RIMBP2: variants seen among roughly 807,000 people sequenced by gnomAD.
The protein encoded by RIMBP2 is RIMS-binding protein 2.
In RIMBP2, 48 loss-of-function variants were observed where a neutral mutation model predicts 118.6. The observed-to-expected ratio is 0.40, with a 90% CI of 0.32 to 0.51. The LOEUF (loss-of-function observed/expected upper bound fraction) is 0.51. Among genes scored for constraint, RIMBP2 ranks in the 20% least tolerant of loss-of-function variants. The pLI is 0.41. For synonymous variants in RIMBP2, 762 were observed against 742.9 expected (o/e 1.03, Z -0.42); for missense variants, 1,551 against 1,768.3 (o/e 0.88, Z 2.20).
At chr12:130,704,360 G>C (rs1273410608) in intron 1 of RIMBP2, among the ~76,000 whole-genome samples, 1 of 152,212 alleles carries the variant, frequency 6.6e-6, no homozygotes, top group Non-Finnish European at 1.5e-5. Flanking sequence ...TGGATCACCT[G>C]AGGTCAGGAG....
At chr12:130,526,903 A>C (rs1022944224) in intron 2 of RIMBP2, among the ~76,000 whole-genome samples, 5 of 152,150 alleles carry the variant, frequency 3.3e-5, no homozygotes, top group Admixed American at 6.5e-5. Context: ...GGGAGAGTAA[A>C]GTGAAGGAAG....
intron 2 of RIMBP2, among the ~76,000 whole-genome samples, chr12:130,521,560 C>T (rs997955635): frequency 2.0e-5 from 3 of 152,356 alleles, no homozygotes; most frequent in African/African-American, 7.2e-5. Flanking sequence ...GTAACTGACA[C>T]ACTTGCTGGG....
rs867726269 is a variant in RIMBP2, at chr12:130,535,748, T to C, written c.-216-17831A>G. The stretch of plus-strand genomic sequence containing the variant: ...ATATACATATATATACATATATATA[T>C]ATATATATATATATATATATATATA... On this transcript the variant is annotated intron_variant, in intron 2 of 22. Transcript: ENST00000690449. Among the ~76,000 whole-genome samples the C allele has an allele frequency of 3.0e-3, 95 of 31,774 alleles. 1 individual carries two copies. The highest frequency in any genetic ancestry group is 6.1e-3 in the African/African-American group (77 of 12,556). The allele number at this position is 31,774 out of a possible 152,430, so 20.8% of individuals were successfully genotyped here.
chr12:130,605,922 G>T (rs1160251876), intron 2 of RIMBP2, among the ~76,000 whole-genome samples: 3 of 152,086 alleles, frequency 2.0e-5, no homozygotes, highest in Non-Finnish European at 2.9e-5. Flanking sequence ...AAAAAAATTA[G>T]CCAGGCATGG....
rs563955080 is a variant in RIMBP2, at chr12:130,511,176, T to C, written c.-126-4406A>G. Among the ~76,000 whole-genome samples the C allele has an allele frequency of 7.9e-5, 12 of 151,910 alleles. No homozygotes were observed. The highest frequency in any genetic ancestry group is 2.9e-4 in the African/African-American group (12 of 41,444). ...GAGTCAGAGACAAAAAAGAGAGAGC[T>C]TAGGTGATGCTCTGCTGCCAGCTTT... On this transcript the variant is annotated intron_variant, in intron 3 of 22. Transcript: ENST00000690449. The surrounding 1 kb of genome is among the most constrained non-coding windows in gnomAD (Gnocchi z 4.3).
At chr12:130,706,498 C>T (rs564425587) in intron 1 of RIMBP2, among the ~76,000 whole-genome samples, 1 of 152,354 alleles carries the variant, frequency 6.6e-6, no homozygotes, top group Admixed American at 6.5e-5. Flanking sequence ...AGGCTGCTTC[C>T]GAGGGACACG....
chr12:130,655,145 A>G (rs1276211488), intron 1 of RIMBP2, among the ~76,000 whole-genome samples: 2 of 152,210 alleles, frequency 1.3e-5, no homozygotes, highest in Non-Finnish European at 2.9e-5. Flanking sequence ...AGGTCTCTAC[A>G]GGGAGAGAAT....
chr12:130,412,090 T>TA (rs1308514182), intron 19 of RIMBP2, among the ~76,000 whole-genome samples: 7 of 152,120 alleles, frequency 4.6e-5, no homozygotes, highest in Non-Finnish European at 2.9e-5. Flanking sequence ...TAATGTTGCT[T>TA]AAAAAATCAC....
chr12:130,417,299 C>T (rs1281730764), intron 17 of RIMBP2, among the ~76,000 whole-genome samples: 2 of 152,152 alleles, frequency 1.3e-5, no homozygotes, highest in Non-Finnish European at 2.9e-5. Context: ...ATATGGTGAT[C>T]GCAGCACTGT....
intron 2 of RIMBP2, among the ~76,000 whole-genome samples, chr12:130,595,271 C>G (rs995813648): frequency 3.9e-5 from 6 of 152,120 alleles, no homozygotes; most frequent in African/African-American, 1.4e-4. Flanking sequence ...ATTAAAACTT[C>G]ATCTTGGCCG....
At chr12:130,552,896 T>C (rs1322536814) in intron 2 of RIMBP2, among the ~76,000 whole-genome samples, 1 of 152,152 alleles carries the variant, frequency 6.6e-6, no homozygotes, top group East Asian at 1.9e-4. Flanking sequence ...CTCACACCTA[T>C]AATCCCAGCA....
chr12:130,459,117 A>G (rs576335133), intron 6 of RIMBP2, among the ~76,000 whole-genome samples: 9 of 151,988 alleles, frequency 5.9e-5, no homozygotes, highest in Non-Finnish European at 1.2e-4. Flanking sequence ...AAATTATAGC[A>G]ATAAAGAACA....
intron 2 of RIMBP2, among the ~76,000 whole-genome samples, chr12:130,557,521 C>T (rs1027036251): frequency 5.9e-5 from 9 of 152,158 alleles, no homozygotes; most frequent in Admixed American, 2.0e-4. Context: ...AAGCAGAAGC[C>T]CCTTCCAAAG....
chr12:130,512,447 C>A (rs2051010790), intron 3 of RIMBP2, among the ~76,000 whole-genome samples: 1 of 152,196 alleles, frequency 6.6e-6, no homozygotes, highest in Admixed American at 6.5e-5. Flanking sequence ...CTTAGCCTCC[C>A]AAGTAGCTGG....
chr12:130,679,170 C>G (rs1345131805), intron 1 of RIMBP2, among the ~76,000 whole-genome samples: 1 of 152,076 alleles, frequency 6.6e-6, no homozygotes, highest in African/African-American at 2.4e-5. Flanking sequence ...TGCGTGCGGA[C>G]TTTTTTAGGT....
intron 1 of RIMBP2, among the ~76,000 whole-genome samples, chr12:130,694,034 C>A (rs1262619402): frequency 6.6e-6 from 1 of 152,222 alleles, no homozygotes; most frequent in African/African-American, 2.4e-5. Context: ...AACTTCCATG[C>A]CATAAGAATA....
At chr12:130,400,625 G>T (rs912214909) in intron 21 of RIMBP2, among the ~76,000 whole-genome samples, 1 of 152,116 alleles carries the variant, frequency 6.6e-6, no homozygotes, top group Non-Finnish European at 1.5e-5. Flanking sequence ...TATGGTCTAG[G>T]AAATGACATA....
chr12:130,636,699 A>C (rs2062367236), intron 1 of RIMBP2, among the ~76,000 whole-genome samples: 1 of 152,206 alleles, frequency 6.6e-6, no homozygotes, highest in South Asian at 2.1e-4. Context: ...TAGGAATGTC[A>C]GCCTGGCGTT....
rs545471420 is a variant in RIMBP2, at chr12:130,409,452, C to T, written c.3590-1623G>A. Among the ~76,000 whole-genome samples the T allele has an allele frequency of 1.6e-4, 23 of 145,866 alleles. No homozygotes were observed. The South Asian group carries it at 4.9e-3, about 31-fold the overall frequency. On this transcript the variant is annotated intron_variant, in intron 19 of 22. Transcript: ENST00000690449. ...CCGCCTCCCGGGTTCATGCGATTCT[C>T]CTGCTTCGGCCTCCTGAGTAGCTGG... is the stretch of plus-strand genomic sequence containing the variant.
Sources: allele counts gnomAD v4.1 joint callset (sites outside exome capture counted in the v4.1 genomes callset), GRCh38; gene constraint gnomAD v4.1.1; non-coding constraint Gnocchi (gnomAD v3.1); transcripts MANE v1.5; gene names NCBI Gene and HGNC (gene_info 2026-07-23, HGNC 2026-07-21).